ANK3: variants seen among roughly 807,000 people sequenced by gnomAD.
ANK3 encodes the protein ankyrin-3.
ANK3 carries 57 observed loss-of-function variants against 370.9 expected under a neutral mutation model. That is an observed-to-expected ratio of 0.15 (90% CI 0.12 to 0.19). ANK3 has a LOEUF of 0.19. Among genes scored for constraint, ANK3 ranks in the 10% least tolerant of loss-of-function variants. The pLI is 1.00. For synonymous variants in ANK3, 1,929 were observed against 1,946.3 expected (o/e 0.99, Z 0.23); for missense variants, 4,439 against 5,302.1 (o/e 0.84, Z 5.06).
rs200320863 is a variant in ANK3, at chr10:60,682,106, C to T, written c.57+51157G>A. ...AGACTACAGCAAACTATGATCATGC[C>T]TCTGCAATCCAGCCTGGGTGACACA... is the stretch of plus-strand genomic sequence containing the variant. On this transcript the variant is annotated intron_variant, in intron 1 of 43. Transcript: ENST00000373827. 3.3e-5 allele frequency among the ~76,000 whole-genome samples: 5 copies of T among 152,222 alleles called. No homozygotes were observed. In the East Asian group the frequency reaches 9.7e-4, roughly 29 times the overall value.
intron 2 of ANK3, among the ~76,000 whole-genome samples, chr10:60,508,785 G>C (rs2076004272): frequency 6.6e-6 from 1 of 152,074 alleles, no homozygotes; most frequent in Non-Finnish European, 1.5e-5. Flanking sequence ...GAAAATAGAA[G>C]GTCCCTTCCC....
chr10:60,148,879 C>T (rs2094951589), intron 23 of ANK3, among the ~76,000 whole-genome samples: 1 of 152,176 alleles, frequency 6.6e-6, no homozygotes, highest in African/African-American at 2.4e-5. Context: ...CTGATTTGTC[C>T]TATTCATTCT....
intron 1 of ANK3, among the ~76,000 whole-genome samples, chr10:60,386,531 T>A (rs1405179457): frequency 1.3e-5 from 2 of 151,936 alleles, no homozygotes; most frequent in Non-Finnish European, 2.9e-5. Flanking sequence ...CTAGAAGTTC[T>A]GTACTGCTTT....
intron 18 of ANK3, among the ~76,000 whole-genome samples, chr10:60,175,371 C>G: frequency 6.6e-6 from 1 of 152,204 alleles, no homozygotes; most frequent in Non-Finnish European, 1.5e-5. Flanking sequence ...TAAATACGCT[C>G]AGAGAGGTGG....
intron 14 of ANK3, among the ~76,000 whole-genome samples, chr10:60,197,933 AC>A (rs1456558227): frequency 6.6e-6 from 1 of 152,198 alleles, no homozygotes; most frequent in East Asian, 1.9e-4. Flanking sequence ...AACAAAAACA[AC>A]CCCAAGAAAA....
chr10:60,068,228 G>C (rs1463457450), intron 37 of ANK3, among the ~76,000 whole-genome samples: 1 of 152,146 alleles, frequency 6.6e-6, no homozygotes, highest in Non-Finnish European at 1.5e-5. Flanking sequence ...CAATGTAATG[G>C]GATTGAACAT....
At chr10:60,476,356 A>G (rs1028711175) in intron 2 of ANK3, among the ~76,000 whole-genome samples, 9 of 152,208 alleles carry the variant, frequency 5.9e-5, no homozygotes, top group Admixed American at 2.0e-4. Context: ...TATAGAGGAT[A>G]AACAATAATA....
At chr10:60,496,088 T>C (rs535889786) in intron 2 of ANK3, among the ~76,000 whole-genome samples, 2 of 152,250 alleles carry the variant, frequency 1.3e-5, no homozygotes, top group Admixed American at 1.3e-4. Context: ...GAGCTCAATA[T>C]GGAATGAGTA....
rs559594647 is a variant in ANK3, at chr10:60,389,648, G to A, written c.-110C>T. The stretch of plus-strand genomic sequence containing the variant: ...CAGCATTCCAATCACTAGAGAGAAA[G>A]CTTTGACTAGAAGCAGGAAGATATT... On this transcript the variant is annotated 5_prime_UTR_variant, in exon 1 of 44. Coordinates refer to ENST00000280772, the MANE Select transcript of ANK3 (RefSeq NM_020987.5). 13 of 1,509,874 alleles carry A rather than the reference G, an allele frequency of 8.6e-6. No homozygotes were observed. In the South Asian group the frequency reaches 1.6e-4, roughly 19 times the overall value. 93.5% of individuals were successfully genotyped at this position (1,509,874 alleles called of 1,614,324 possible).
chr10:60,234,709 A>G lies in ANK3; in HGVS notation c.876T>C (p.Ala292=). The change falls in exon 8 of 44, where the codon GCT becomes GCC. Residue 292 remains alanine, a synonymous_variant. Transcript: ENST00000280772. The part of the protein sequence containing the change: ...NMVKLLLDRG[A]KIDAKTRDGL... ...TTACCCTGGTTTTGGCATCGATTTT[A>G]GCTCCTCGATCGAGCAATAGTTTTA... is the stretch of plus-strand genomic sequence containing the variant. 2 of 1,612,896 alleles carry G rather than the reference A, an allele frequency of 1.2e-6. No homozygotes were observed. The highest frequency in any genetic ancestry group is 1.1e-5 in the South Asian group (1 of 90,952).
At chr10:60,694,459 G>A (rs1005208138) in intron 1 of ANK3, among the ~76,000 whole-genome samples, 6 of 152,132 alleles carry the variant, frequency 3.9e-5, no homozygotes, top group African/African-American at 1.4e-4. Flanking sequence ...ATTCACCAAA[G>A]TTGAAATGAA....
chr10:60,064,668 CACAGCAACAACA>C (rs1444137590), intron 38 of ANK3, among the ~76,000 whole-genome samples: 31 of 110,538 alleles, frequency 2.8e-4, no homozygotes, highest in South Asian at 1.6e-3. Flanking sequence ...TCTCCATACA[CACAGCAACAACA>C]ACAACAACAA....
intron 4 of ANK3, among the ~76,000 whole-genome samples, chr10:60,275,231 G>T (rs1258942833): frequency 6.6e-6 from 1 of 152,206 alleles, no homozygotes; most frequent in South Asian, 2.1e-4. Context: ...GATGGAACGA[G>T]TATGCTGTTT....
rs751975399 is a variant in ANK3, at chr10:60,070,180, A to C, written c.10701T>G (p.Phe3567Leu). The change falls in exon 37 of 44, where the codon TTT (phenylalanine) becomes TTG (leucine). Residue 3567 changes from phenylalanine to leucine, a missense_variant. Phe to Leu is a conservative substitution (Grantham distance 22, BLOSUM62 0). This residue lies in a region of ANK3 where 1,601 missense variants were observed against 1,731.7 expected (regional missense o/e 0.92). Transcript: ENST00000280772. This position sits in a 1 kb window ranked among gnomAD's most constrained non-coding sequence, Gnocchi z 5.7. ...SKSREDETKP[F>L]GLAVEDRSPA... ...GAGAGCGGTCTTCTACCGCCAGCCC[A>C]AATGGCTTAGTTTCATCTTCCCGTG... is the stretch of plus-strand genomic sequence containing the variant. 72 of 1,614,056 alleles carry C rather than the reference A, an allele frequency of 4.5e-5. No homozygotes were observed. The highest frequency in any genetic ancestry group is 5.5e-5 in the Non-Finnish European group (65 of 1,180,016).
chr10:60,538,470 T>A (rs1489596575), intron 2 of ANK3, among the ~76,000 whole-genome samples: 1 of 151,904 alleles, frequency 6.6e-6, no homozygotes, highest in African/African-American at 2.4e-5. Flanking sequence ...GCCTTCTGGC[T>A]CCCATGTTGC....
intron 43 of ANK3, among the ~76,000 whole-genome samples, chr10:60,031,392 T>C (rs566936404): frequency 3.9e-5 from 6 of 152,324 alleles, no homozygotes; most frequent in African/African-American, 1.4e-4. Context: ...AAATAAATCA[T>C]TCTTTGGCAG....
At chr10:60,569,518 C>A (rs918182490) in intron 2 of ANK3, among the ~76,000 whole-genome samples, 1 of 152,182 alleles carries the variant, frequency 6.6e-6, no homozygotes, top group African/African-American at 2.4e-5. Flanking sequence ...TGGATACACA[C>A]AGACACCCTC....
intron 7 of ANK3, among the ~76,000 whole-genome samples, chr10:60,257,502 CTATT>C (rs1233744111): frequency 6.6e-6 from 1 of 152,156 alleles, no homozygotes; most frequent in African/African-American, 2.4e-5. Flanking sequence ...ATATTGCTAA[CTATT>C]TAATTCTCTG....
At chr10:60,425,528 G>C (rs2063867565) in intron 2 of ANK3, among the ~76,000 whole-genome samples, 1 of 152,086 alleles carries the variant, frequency 6.6e-6, no homozygotes, top group South Asian at 2.1e-4. Context: ...AAGCCAAGCT[G>C]ATTCAACAAT....
Sources: gnomAD v4.1 joint callset for allele counts (sites outside exome capture counted in the v4.1 genomes callset) on GRCh38, gnomAD v4.1.1 for gene constraint, gnomAD v4.1.1 regional missense constraint, Gnocchi (gnomAD v3.1) non-coding constraint, MANE v1.5 for transcripts, NCBI Gene and HGNC (gene_info 2026-07-23, HGNC 2026-07-21) for gene names.